The following GFRAL variants were observed in gnomAD, a reference collection of about 807,000 sequenced individuals.
GFRAL encodes the protein GDNF family receptor alpha like.
Under a neutral mutation model 45.4 loss-of-function variants are expected in GFRAL, and 36 were observed. The ratio of observed to expected loss-of-function variants is 0.79; its 90% CI spans 0.61 to 1.05. The LOEUF (loss-of-function observed/expected upper bound fraction) is 1.05. Ranked by LOEUF, GFRAL falls within the 50% of genes least tolerant of loss-of-function variation. The probability of loss-of-function intolerance (pLI) is 0.00; values close to 1 mark genes in which losing one functional copy is unlikely to be tolerated. For missense variants in GFRAL, 507 were observed against 467.5 expected (o/e 1.08, Z -0.78); for synonymous variants, 166 against 154.1 (o/e 1.08, Z -0.57).
intron 1 of GFRAL, among the ~76,000 whole-genome samples, chr6:55,330,464 A>T (rs1026842537): frequency 6.6e-6 from 1 of 152,172 alleles, no homozygotes; most frequent in Non-Finnish European, 1.5e-5. Context: ...GAAGATGTCA[A>T]ATTCAATTTG....
chr6:55,342,479 G>T (rs1484216793), intron 3 of GFRAL, among the ~76,000 whole-genome samples: 1 of 152,100 alleles, frequency 6.6e-6, no homozygotes, highest in Non-Finnish European at 1.5e-5. Context: ...AATGCTGAGA[G>T]ATTTTGTCAC....
At chr6:55,335,296 T>C (rs912674005) in intron 3 of GFRAL, among the ~76,000 whole-genome samples, 1 of 152,324 alleles carries the variant, frequency 6.6e-6, no homozygotes, top group East Asian at 1.9e-4. Flanking sequence ...CTTCAAAGTT[T>C]TGTCCATTTT....
At chr6:55,333,485 C>A (rs1350262458) in intron 2 of GFRAL, among the ~76,000 whole-genome samples, 2 of 152,230 alleles carry the variant, frequency 1.3e-5, no homozygotes, top group African/African-American at 4.8e-5. Context: ...AGAGAGCATT[C>A]TGGTCACCTC....
At chr6:55,372,833 G>A (rs541018313) in intron 6 of GFRAL, among the ~76,000 whole-genome samples, 4 of 152,166 alleles carry the variant, frequency 2.6e-5, no homozygotes, top group South Asian at 2.1e-4. Context: ...GCAAATTTCC[G>A]TTGCATTTTT....
At chr6:55,354,169 T>G (rs1453596117) in intron 5 of GFRAL, among the ~76,000 whole-genome samples, 1 of 152,028 alleles carries the variant, frequency 6.6e-6, no homozygotes, top group Non-Finnish European at 1.5e-5. Context: ...AGAAAATATT[T>G]TAATAGCAAG....
At chr6:55,364,535 A>T (rs1768330472) in intron 6 of GFRAL, among the ~76,000 whole-genome samples, 1 of 144,808 alleles carries the variant, frequency 6.9e-6, no homozygotes, top group African/African-American at 2.7e-5. Flanking sequence ...CTGAATGGTA[A>T]TGCCTAGGTT....
At chr6:55,359,260 G>T in intron 6 of GFRAL, 122 bp downstream of exon 6, 5 of 747,568 alleles carry the variant, frequency 6.7e-6, no homozygotes, top group East Asian at 2.8e-5. Flanking sequence ...TTTTGTGTTT[G>T]GTATTGCATT....
At chr6:55,355,495 G>A (rs904452259) in intron 5 of GFRAL, among the ~76,000 whole-genome samples, 1 of 151,974 alleles carries the variant, frequency 6.6e-6, no homozygotes, top group Admixed American at 6.6e-5. Flanking sequence ...TATTGTAAAT[G>A]GGACTACTTT....
chr6:55,343,368 G>A (rs959885836), intron 3 of GFRAL, among the ~76,000 whole-genome samples: 3 of 152,150 alleles, frequency 2.0e-5, no homozygotes, highest in African/African-American at 7.2e-5. Context: ...TCAGGATTAA[G>A]AAACTCACTC....
intron 3 of GFRAL, among the ~76,000 whole-genome samples, chr6:55,336,300 T>A (rs899714039): frequency 6.6e-6 from 1 of 152,178 alleles, no homozygotes; most frequent in Non-Finnish European, 1.5e-5. Flanking sequence ...CTGCAAAGAA[T>A]CCTGCTGACA....
intron 5 of GFRAL, among the ~76,000 whole-genome samples, chr6:55,358,311 CA>C (rs1420810784): frequency 1.3e-5 from 2 of 151,674 alleles, no homozygotes; most frequent in African/African-American, 4.8e-5. Context: ...TAAAAAAATT[CA>C]AAAATGAAAT....
intron 4 of GFRAL, among the ~76,000 whole-genome samples, 161 bp downstream of exon 4, chr6:55,350,306 A>G (rs1293699581): frequency 6.6e-6 from 1 of 152,128 alleles, no homozygotes; most frequent in African/African-American, 2.4e-5. Flanking sequence ...TTCTTTTACT[A>G]ATGATGCATC....
chr6:55,395,162 GAA>G lies in GFRAL; in HGVS notation c.953-4005_953-4004del, dbSNP rs869161118. On this transcript the variant is annotated intron_variant, in intron 6 of 8. Transcript: ENST00000340465. Reference sequence around the variant, plus strand: ...CCCTGTTGTTTTCAATCAGCCTATGGAAAAAAAAAAAAAATATATATATATAT... The same window carrying G: ...CCCTGTTGTTTTCAATCAGCCTATGGAAAAAAAAAAAATATATATATATAT... Among the ~76,000 whole-genome samples, 697 of 125,154 alleles carry G rather than the reference GAA, an allele frequency of 5.6e-3. 9 individuals carry two copies. Among genetic ancestry groups the G allele is most frequent in the African/African-American group, 0.014 (431 of 30,050 alleles). 82.1% of individuals were successfully genotyped at this position (125,154 alleles called of 152,430 possible).
chr6:55,360,554 A>G (rs114623438), intron 6 of GFRAL, among the ~76,000 whole-genome samples: 2,122 of 152,156 alleles, frequency 0.014, 29 homozygotes, highest in Non-Finnish European at 0.023. Context: ...CATACAGCTC[A>G]GAGTTTATGG....
At chr6:55,366,670 C>G (rs1269637610) in intron 6 of GFRAL, among the ~76,000 whole-genome samples, 1 of 107,172 alleles carries the variant, frequency 9.3e-6, no homozygotes, top group African/African-American at 4.7e-5. Context: ...CAAAGAACAT[C>G]TTTATTTCTG....
In GFRAL at chr6:55,361,192, C is replaced by G. The variant is rs746773760; in HGVS notation, c.952+2054C>G. Among the ~76,000 whole-genome samples the G allele has an allele frequency of 1.4e-4, 22 of 152,070 alleles. 1 individual carries two copies. The Middle Eastern group carries it at 0.01, about 71-fold the overall frequency. On this transcript the variant is annotated intron_variant, in intron 6 of 8. Transcript: ENST00000340465. Reference sequence around the variant, plus strand: ...AAGTTTTTGCTCCAAATATTACCTACTAAGACTAGGAATTTCAAATGACAG... The same window carrying G: ...AAGTTTTTGCTCCAAATATTACCTAGTAAGACTAGGAATTTCAAATGACAG...
At chr6:55,348,641 G>A (rs928547665) in intron 3 of GFRAL, among the ~76,000 whole-genome samples, 36 of 152,036 alleles carry the variant, frequency 2.4e-4, no homozygotes, top group African/African-American at 8.5e-4. Context: ...TACTCCAGGG[G>A]AGAGAGACAG....
chr6:55,395,138 C>T (rs1262102929), intron 6 of GFRAL, among the ~76,000 whole-genome samples: 1 of 141,556 alleles, frequency 7.1e-6, no homozygotes, highest in African/African-American at 2.7e-5. Context: ...CTAACTCTCC[C>T]CTGTTGTTTT....
At chr6:55,356,786 T>G (rs1265173991) in intron 5 of GFRAL, among the ~76,000 whole-genome samples, 5 of 151,884 alleles carry the variant, frequency 3.3e-5, no homozygotes, top group Non-Finnish European at 7.4e-5. Flanking sequence ...CGTTGCTAAG[T>G]TGTTTATTTG....
Sources: gnomAD v4.1 joint callset for allele counts (sites outside exome capture counted in the v4.1 genomes callset) on GRCh38, gnomAD v4.1.1 for gene constraint, MANE v1.5 for transcripts, NCBI Gene and HGNC (gene_info 2026-07-23, HGNC 2026-07-21) for gene names.